TBATA: variants seen among roughly 807,000 people sequenced by gnomAD.
TBATA encodes thymus, brain and testes associated.
A neutral mutation model predicts 38.7 loss-of-function variants in TBATA; 47 were observed. That is an observed-to-expected ratio of 1.21 (90% CI 0.96 to 1.55). TBATA has a LOEUF of 1.55. TBATA is among the 40% of genes most tolerant of loss of function. The pLI, the probability that TBATA is intolerant of heterozygous loss-of-function variation, is 0.00. For synonymous variants in TBATA, 183 were observed against 170.5 expected, an observed-to-expected ratio of 1.07 and a Z score of -0.57; for missense variants, 436 against 435.6, an observed-to-expected ratio of 1.00 and a Z score of -0.01.
chr10:70,777,190 C>T lies in TBATA; in HGVS notation c.656G>A (p.Gly219Glu), dbSNP rs1419777695. 1 of 1,613,242 alleles carries T rather than the reference C, an allele frequency of 6.2e-7. No homozygotes were observed. ...ATCCTGAAGGAGGAAAGCCTGGACT[C>T]CTTCATGTCTGCTGGAAGACTGACT... Reference protein sequence around the residue: ...QQSQSSSRHEGVQAFLLQDQE... With the variant: ...QQSQSSSRHEEVQAFLLQDQE... The change falls in exon 7 of 11, where the codon GGA (glycine) becomes GAA (glutamate). Residue 219 changes from glycine (G) to glutamate (E), a missense_variant. Coordinates refer to ENST00000456372, the MANE Select transcript of TBATA (RefSeq NM_001318241.2).
chr10:70,775,086 C>G, intron 8 of TBATA, 103 bp downstream of exon 8: 1 of 1,144,242 alleles, frequency 8.7e-7, no homozygotes, highest in Non-Finnish European at 1.3e-6. Context: ...AAGGCCCCCT[C>G]CAGGGTGGGA....
At chr10:70,779,382 G>A (rs1350022441) in intron 5 of TBATA, among the ~76,000 whole-genome samples, 2 of 152,230 alleles carry the variant, frequency 1.3e-5, no homozygotes, top group East Asian at 3.8e-4. Flanking sequence ...ATCCAAGCAG[G>A]GGTGCATTTC....
intron 9 of TBATA, 75 bp from the exon 10 acceptor site, chr10:70,772,641 G>A: frequency 6.7e-7 from 1 of 1,502,068 alleles, no homozygotes; most frequent in East Asian, 2.3e-5. Flanking sequence ...GGGGAGACAG[G>A]GAGGTGGGGA....
At chr10:70,774,099 C>A in intron 9 of TBATA, 114 bp downstream of exon 9, 1 of 1,413,894 alleles carries the variant, frequency 7.1e-7, no homozygotes. Context: ...GCCTCCAGGA[C>A]AGACTTAGTC....
chr10:70,774,352 C>G lies in TBATA; in HGVS notation c.781G>C (p.Asp261His). ...WLLYAPPKEKDLALGLLQTAV... is the reference protein window; with the variant it reads ...WLLYAPPKEKHLALGLLQTAV... Reference sequence around the variant, plus strand: ...GTCTGCAGGAGTCCCAGAGCGAGGTCTTTTTCTGAAAGCACAGCCCGGGGG... The same window carrying G: ...GTCTGCAGGAGTCCCAGAGCGAGGTGTTTTTCTGAAAGCACAGCCCGGGGG... Residue 261 changes from aspartate (D) to histidine (H), a missense_variant, in exon 9 of 11, where the codon GAC (aspartate) becomes CAC (histidine). Physicochemically the swap from Asp to His is moderately conservative, Grantham distance 81. Coordinates refer to ENST00000456372, the MANE Select transcript of TBATA (RefSeq NM_001318241.2). The G allele has an allele frequency of 6.3e-7, 1 of 1,592,592 alleles. No individual in the cohort carries two copies. The highest frequency in any genetic ancestry group is 8.5e-7 in the Non-Finnish European group (1 of 1,170,430).
At chr10:70,777,719 G>A in intron 6 of TBATA, 1 of 397,128 alleles carries the variant, frequency 2.5e-6, no homozygotes, top group African/African-American at 2.1e-5. Context: ...ACACCCATCA[G>A]AGATTTGAAA....
At position 70,784,999 on chromosome 10, in the gene TBATA, AT is replaced by A. The variant is rs200782516; in HGVS notation, c.-273-227del. ...ATTTCTTAAATGTTAGATATGATCC[AT>A]TTAAATTGATCTAATAAGCCACCAG... On this transcript the variant is annotated intron_variant, in intron 1 of 10. Transcript: ENST00000456372. 7.1e-3 allele frequency among the ~76,000 whole-genome samples: 1,050 copies of A among 147,240 alleles called. 15 individuals are homozygous for A. Among genetic ancestry groups the A allele is most frequent in the African/African-American group, 0.024 (985 of 40,812 alleles).
At chr10:70,781,652 G>T in intron 4 of TBATA, 149 bp downstream of exon 4, 1 of 748,992 alleles carries the variant, frequency 1.3e-6, no homozygotes. Context: ...GAGCAGTCCT[G>T]GCTGGGTTCT....
In TBATA at chr10:70,783,367, C is replaced by T; in HGVS notation, c.13G>A (p.Val5Ile). Residue 5 changes from valine (V) to isoleucine (I), a missense_variant, in exon 3 of 11, where the codon GTT (valine) becomes ATT (isoleucine). By Grantham distance (29) the Val-to-Ile change is conservative. Transcript: ENST00000456372. MATD[V>I]QLADYPLMSP... Reference sequence around the variant, plus strand: ...ATCAGTGGATAATCAGCCAATTGAACATCTGTAGCCATTGTATGCTTTTTA... The same window carrying T: ...ATCAGTGGATAATCAGCCAATTGAATATCTGTAGCCATTGTATGCTTTTTA... The T allele has an allele frequency of 2.5e-6, 4 of 1,614,178 alleles. No individual in the cohort carries two copies. Among genetic ancestry groups the T allele is most frequent in the Non-Finnish European group, 3.4e-6 (4 of 1,179,998 alleles).
chr10:70,776,305 A>G (rs768566359), intron 7 of TBATA: 15 of 455,584 alleles, frequency 3.3e-5, no homozygotes, highest in Non-Finnish European at 5.7e-5. Context: ...GCCCTTCTCC[A>G]TTCTCTGTGT....
intron 6 of TBATA, among the ~76,000 whole-genome samples, chr10:70,778,189 A>T (rs1843670706): frequency 6.6e-6 from 1 of 152,074 alleles, no homozygotes; most frequent in South Asian, 2.1e-4. Context: ...TCCTCCCCAC[A>T]TGCAAAGTCT....
At chr10:70,781,352 C>G (rs1023460007) in intron 4 of TBATA, among the ~76,000 whole-genome samples, 1 of 152,244 alleles carries the variant, frequency 6.6e-6, no homozygotes, top group Non-Finnish European at 1.5e-5. Flanking sequence ...CATCCCTCCC[C>G]ACTGGAGGTC....
intron 3 of TBATA, 55 bp downstream of exon 3, chr10:70,783,284 C>T (rs1844485216): frequency 1.2e-6 from 2 of 1,605,304 alleles, no homozygotes; most frequent in African/African-American, 2.7e-5. Flanking sequence ...TTGTCTTCTA[C>T]CCTGCCCTAC....
At chr10:70,780,795 G>A (rs906904230) in intron 4 of TBATA, among the ~76,000 whole-genome samples, 14 of 152,064 alleles carry the variant, frequency 9.2e-5, no homozygotes, top group Non-Finnish European at 1.8e-4. Flanking sequence ...AATCTAAGTC[G>A]GCCTTGACTC....
At chr10:70,773,702 G>A (rs1411479458) in intron 9 of TBATA, among the ~76,000 whole-genome samples, 1 of 152,136 alleles carries the variant, frequency 6.6e-6, no homozygotes, top group Non-Finnish European at 1.5e-5. Context: ...GTTGTTGGAT[G>A]GACTAGAAAA....
chr10:70,771,330 C>G lies in TBATA; in HGVS notation c.*46G>C, dbSNP rs776088943. On this transcript the variant is annotated 3_prime_UTR_variant, in exon 11 of 11. Coordinates refer to ENST00000456372, the MANE Select transcript of TBATA (RefSeq NM_001318241.2). ...GGTGGAGACAGAAACACCCCTGAAC[C>G]CTTGGGGCTGCTCTTGAGCAAGGCA... 54 of 1,613,900 alleles carry G rather than the reference C, an allele frequency of 3.3e-5. No homozygotes were observed. The highest frequency in any genetic ancestry group is 1.0e-4 in the Admixed American group (6 of 60,000).
chr10:70,781,877 G>T lies in TBATA; in HGVS notation c.201C>A (p.Tyr67Ter). The change falls in exon 4 of 11, where the codon TAC becomes TAA. Residue 67 changes from tyrosine (Y) to a stop codon, truncating the protein, a stop_gained. Transcript: ENST00000456372. LOFTEE classifies it high-confidence loss of function. ...AGTGGTGACTGAGGCGTCCAAAGCA[G>T]TAGGTGCCAGGGGTTTGGGGCTTTG... is the stretch of plus-strand genomic sequence containing the variant. ...RTPKPQTPGT[Y>*]CFGRLSHHSF... 1 of 1,614,212 alleles carries T rather than the reference G, an allele frequency of 6.2e-7. No individual in the cohort carries two copies. Among genetic ancestry groups the T allele is most frequent in the Non-Finnish European group, 8.5e-7 (1 of 1,180,012 alleles).
intron 6 of TBATA, 140 bp from the exon 7 acceptor site, chr10:70,777,478 G>T (rs1021902546): frequency 2.6e-6 from 2 of 775,826 alleles, no homozygotes; most frequent in Non-Finnish European, 4.1e-6. Flanking sequence ...CGTTGCCAGG[G>T]TCCCAGGGTA....
Position 70,781,837 on chromosome 10 carries a change from G to A in TBATA, c.241C>T (p.His81Tyr). Reference protein sequence around the residue: ...RLSHHSFFSRHHPHPQHVTHI... With the variant: ...RLSHHSFFSRYHPHPQHVTHI... ...GTCACGTGCTGGGGGTGTGGGTGGTGCCGGGAGAAGAAGGAGTGGTGACTG... is the reference window on the plus strand; with the variant it reads ...GTCACGTGCTGGGGGTGTGGGTGGTACCGGGAGAAGAAGGAGTGGTGACTG... The change falls in exon 4 of 11, where the codon CAC (histidine) becomes TAC (tyrosine). Residue 81 changes from histidine (H) to tyrosine (Y), a missense_variant. Coordinates refer to ENST00000456372, the MANE Select transcript of TBATA (RefSeq NM_001318241.2). The A allele has an allele frequency of 6.2e-7, 1 of 1,614,112 alleles. No homozygotes were observed. The highest frequency in any genetic ancestry group is 1.7e-5 in the Admixed American group (1 of 60,034).
Sources: allele counts gnomAD v4.1 joint callset (sites outside exome capture counted in the v4.1 genomes callset), GRCh38; gene constraint gnomAD v4.1.1; transcripts MANE v1.5; gene names NCBI Gene and HGNC (gene_info 2026-07-23, HGNC 2026-07-21).